SNTG1: variants seen among roughly 807,000 people sequenced by gnomAD.
SNTG1 encodes gamma-1-syntrophin.
SNTG1 carries 39 observed loss-of-function variants against 74.7 expected under a neutral mutation model. The observed-to-expected ratio is 0.52, with a 90% CI of 0.40 to 0.68. The LOEUF is 0.68. SNTG1 is among the 30% of genes least tolerant of loss of function. SNTG1 has a pLI of 0.00. For synonymous variants in SNTG1, 254 were observed against 217.1 expected, an observed-to-expected ratio of 1.17 and a Z score of -1.49; for missense variants, 685 against 609.5, an observed-to-expected ratio of 1.12 and a Z score of -1.30.
chr8:50,146,342 A>G (rs2081864478), intron 1 of SNTG1, among the ~76,000 whole-genome samples: 1 of 152,036 alleles, frequency 6.6e-6, no homozygotes, highest in Non-Finnish European at 1.5e-5. Context: ...ACATGGTGAA[A>G]CCCCGTCTGT....
intron 1 of SNTG1, among the ~76,000 whole-genome samples, chr8:49,918,120 A>G (rs1340846710): frequency 1.3e-5 from 2 of 152,184 alleles, no homozygotes; most frequent in Non-Finnish European, 2.9e-5. Flanking sequence ...TTTTATCTAG[A>G]AATGAGACAA....
chr8:50,250,070 A>G (rs554987640), intron 2 of SNTG1, among the ~76,000 whole-genome samples: 1 of 152,178 alleles, frequency 6.6e-6, no homozygotes, highest in South Asian at 2.1e-4. Context: ...AAAAAATTCA[A>G]TGAAATCAGG....
intron 12 of SNTG1, among the ~76,000 whole-genome samples, chr8:50,573,869 C>T (rs1033927923): frequency 1.3e-5 from 2 of 151,674 alleles, no homozygotes; most frequent in African/African-American, 4.8e-5. Context: ...TCTTTAATAA[C>T]TGTTTTTAAA....
chr8:50,462,794 CTCTTTTTTTTTTTTTT>C (rs2093576689), intron 8 of SNTG1, among the ~76,000 whole-genome samples: 3 of 43,628 alleles, frequency 6.9e-5, no homozygotes, highest in Non-Finnish European at 1.4e-4. Flanking sequence ...TCAGGTTCTA[CTCTTTTTTTTTTTTTT>C]TTTTTTTTTT....
intron 2 of SNTG1, among the ~76,000 whole-genome samples, chr8:50,225,996 C>A (rs1453066425): frequency 2.0e-5 from 3 of 152,138 alleles, no homozygotes; most frequent in Non-Finnish European, 4.4e-5. Context: ...GATATGCATA[C>A]ATACAACATG....
At chr8:49,948,171 C>T (rs1809377130) in intron 1 of SNTG1, among the ~76,000 whole-genome samples, 2 of 152,014 alleles carry the variant, frequency 1.3e-5, no homozygotes. Context: ...CACAGAACCT[C>T]TTAATTATTC....
At chr8:50,203,196 G>A (rs1321173443) in intron 2 of SNTG1, among the ~76,000 whole-genome samples, 2 of 152,008 alleles carry the variant, frequency 1.3e-5, no homozygotes, top group African/African-American at 2.4e-5. Flanking sequence ...ATCCATCAAA[G>A]GCATGTTTCT....
chr8:50,047,600 C>T (rs184180044), intron 1 of SNTG1, among the ~76,000 whole-genome samples: 1 of 152,174 alleles, frequency 6.6e-6, no homozygotes, highest in East Asian at 1.9e-4. Context: ...AAATAGTTGC[C>T]ATTTTAGAAA....
intron 1 of SNTG1, among the ~76,000 whole-genome samples, chr8:49,941,226 A>G (rs1808656443): frequency 6.6e-6 from 1 of 151,952 alleles, no homozygotes; most frequent in South Asian, 2.1e-4. Context: ...TAACAACTCC[A>G]GCCTCCGTGC....
At chr8:50,665,980 A>T (rs185676014) in intron 15 of SNTG1, among the ~76,000 whole-genome samples, 48 of 152,288 alleles carry the variant, frequency 3.2e-4, no homozygotes, top group Admixed American at 2.1e-3. Flanking sequence ...TGAACACTTC[A>T]TTAAAGCAAC....
At chr8:50,611,062 AG>A (rs1412395053) in intron 13 of SNTG1, among the ~76,000 whole-genome samples, 5 of 152,182 alleles carry the variant, frequency 3.3e-5, no homozygotes, top group Admixed American at 1.3e-4. Context: ...GAAACTAAAA[AG>A]ATTATATATA....
chr8:50,692,251 T>A (rs1380996234), intron 15 of SNTG1, among the ~76,000 whole-genome samples: 8 of 152,220 alleles, frequency 5.3e-5, no homozygotes, highest in African/African-American at 1.9e-4. Context: ...TCTCAACTCG[T>A]CAAAGTCATT....
chr8:49,992,346 T>TCCACCACC (rs1257281450), intron 1 of SNTG1, among the ~76,000 whole-genome samples: 2 of 152,158 alleles, frequency 1.3e-5, no homozygotes, highest in Non-Finnish European at 2.9e-5. Flanking sequence ...TTGTAGCAGG[T>TCCACCACC]CCACCACCGG....
intron 1 of SNTG1, among the ~76,000 whole-genome samples, chr8:49,915,900 A>G (rs1805985931): frequency 6.6e-6 from 1 of 152,140 alleles, no homozygotes; most frequent in South Asian, 2.1e-4. Flanking sequence ...CCTCTTTAGG[A>G]CATCTCTTTA....
intron 13 of SNTG1, among the ~76,000 whole-genome samples, chr8:50,592,164 T>A (rs2094696189): frequency 6.6e-6 from 1 of 152,138 alleles, no homozygotes; most frequent in Non-Finnish European, 1.5e-5. Context: ...AAAATGTCAT[T>A]AATAAGAAAT....
At chr8:50,649,069 A>G (rs1180156648) in intron 13 of SNTG1, among the ~76,000 whole-genome samples, 1 of 152,180 alleles carries the variant, frequency 6.6e-6, no homozygotes, top group African/African-American at 2.4e-5. Flanking sequence ...TACTTACTCT[A>G]TACTCGTACT....
At position 49,949,222 on chromosome 8, in the gene SNTG1, C is replaced by A. The variant is rs571136703; in HGVS notation, c.-103+36991C>A. 5.9e-5 allele frequency among the ~76,000 whole-genome samples: 9 copies of A among 152,260 alleles called. No homozygotes were observed. The East Asian group carries it at 1.2e-3, about 20-fold the overall frequency. ...GGGGATGTTGTCTAACAAATACTTACCAATGAATCATTTGAAATGGCACCA... is the reference window on the plus strand; with the variant it reads ...GGGGATGTTGTCTAACAAATACTTAACAATGAATCATTTGAAATGGCACCA... On this transcript the variant is annotated intron_variant, in intron 1 of 18. Coordinates refer to ENST00000642720, the MANE Select transcript of SNTG1 (RefSeq NM_018967.5).
rs1423436499 is a variant in SNTG1 at position 50,708,915 on chromosome 8, T to G, written c.1221T>G (p.Ser407Arg). ...AGACCTATGCATGTGTGCTAGAAAGTCATCTAATGGGACTCACAATTGATT... is the reference window on the plus strand; with the variant it reads ...AGACCTATGCATGTGTGCTAGAAAGGCATCTAATGGGACTCACAATTGATT... ...QCKTYACVLE[S>R]HLMGLTIDFS... The change falls in exon 17 of 19, where the codon AGT becomes AGG. Residue 407 changes from serine to arginine, a missense_variant. By Grantham distance (110) the Ser-to-Arg change is moderately radical. Transcript: ENST00000642720. 2 of 1,613,816 alleles carry G rather than the reference T, an allele frequency of 1.2e-6. No homozygotes were observed. The highest frequency in any genetic ancestry group is 3.3e-5 in the Admixed American group (2 of 60,020).
intron 8 of SNTG1, among the ~76,000 whole-genome samples, chr8:50,498,297 C>A (rs1294984199): frequency 2.6e-5 from 4 of 151,824 alleles, no homozygotes; most frequent in Non-Finnish European, 5.9e-5. Flanking sequence ...ATAATTTAGA[C>A]ATTTCAGAAG....
Sources: allele counts gnomAD v4.1 joint callset (sites outside exome capture counted in the v4.1 genomes callset), GRCh38; gene constraint gnomAD v4.1.1; transcripts MANE v1.5; gene names NCBI Gene and HGNC (gene_info 2026-07-23, HGNC 2026-07-21).